The following SMURF1 variants were observed in gnomAD, a reference collection of about 807,000 sequenced individuals.
SMURF1 encodes the protein E3 ubiquitin-protein ligase SMURF1.
A neutral mutation model predicts 98.0 loss-of-function variants in SMURF1; 44 were observed. The ratio of observed to expected loss-of-function variants is 0.45; its 90% confidence interval spans 0.35 to 0.58. The LOEUF is 0.58. Ranked by LOEUF, SMURF1 falls within the 20% of genes least tolerant of loss-of-function variation. The pLI, the probability that SMURF1 is intolerant of heterozygous loss-of-function variation, is 0.00. For synonymous variants in SMURF1, 396 were observed against 374.9 expected (o/e 1.06, Z -0.65); for missense variants, 687 against 938.4 (o/e 0.73, Z 3.50).
At chr7:99,114,215 G>A (rs538857179) in intron 1 of SMURF1, among the ~76,000 whole-genome samples, 5 of 152,138 alleles carry the variant, frequency 3.3e-5, no homozygotes, top group African/African-American at 4.8e-5. Context: ...ATTTAAATTT[G>A]TACTAAAGGG....
chr7:99,038,936 G>A (rs573285455), intron 13 of SMURF1, among the ~76,000 whole-genome samples: 144 of 152,184 alleles, frequency 9.5e-4, no homozygotes, highest in African/African-American at 3.3e-3. Flanking sequence ...GCTTACACCT[G>A]TAATCCCAGC....
chr7:99,101,933 C>CAA (rs1286445271), intron 1 of SMURF1, among the ~76,000 whole-genome samples: 4,600 of 116,546 alleles, frequency 0.039, 94 homozygotes, highest in Non-Finnish European at 0.061. Flanking sequence ...GACCACGTCT[C>CAA]AAAAAAAAAA....
intron 1 of SMURF1, among the ~76,000 whole-genome samples, chr7:99,066,998 CTTT>C (rs376242285): frequency 1.1e-4 from 13 of 121,660 alleles, no homozygotes; most frequent in Admixed American, 2.5e-4. Flanking sequence ...ATTTTTTTTT[CTTT>C]TTTTTTTTTT....
chr7:99,047,045 T>C (rs1795606900), intron 10 of SMURF1, among the ~76,000 whole-genome samples: 1 of 152,192 alleles, frequency 6.6e-6, no homozygotes, highest in Admixed American at 6.5e-5. Flanking sequence ...GGGCAGGAAA[T>C]GGCCCAAATG....
chr7:99,068,287 C>T (rs966884532), intron 1 of SMURF1, among the ~76,000 whole-genome samples: 10 of 152,158 alleles, frequency 6.6e-5, no homozygotes, highest in Admixed American at 3.9e-4. Context: ...TTAGCCACTA[C>T]ATCAATCTTT....
intron 1 of SMURF1, among the ~76,000 whole-genome samples, chr7:99,121,527 C>CT (rs1797622073): frequency 6.6e-6 from 1 of 152,154 alleles, no homozygotes; most frequent in South Asian, 2.1e-4. Context: ...TTTCTCTGTT[C>CT]TTTAACACTC....
In SMURF1 at chr7:99,080,184, A is replaced by G. The variant is rs934124781; in HGVS notation, c.56-18347T>C. 1.3e-5 allele frequency among the ~76,000 whole-genome samples: 2 copies of G among 152,232 alleles called. 1 individual carries two copies. On this transcript the variant is annotated intron_variant, in intron 1 of 17. Transcript: ENST00000361368. ...TGAAACATTTTCTAAGAACGTATAA[A>G]TTGCCCAAATTTGGCCAAAGAGTAG...
intron 8 of SMURF1, 139 bp from the exon 9 acceptor site, chr7:99,049,848 T>C (rs950920067): frequency 1.3e-6 from 1 of 752,636 alleles, no homozygotes; most frequent in African/African-American, 1.8e-5. Context: ...TTCGTGGTGC[T>C]ACTTACGCCA....
intron 1 of SMURF1, among the ~76,000 whole-genome samples, chr7:99,116,619 A>T (rs1797461949): frequency 6.6e-6 from 1 of 152,232 alleles, no homozygotes; most frequent in Admixed American, 6.5e-5. Flanking sequence ...CTACATTAGC[A>T]TCAAAGAGAA....
chr7:99,138,508 A>G (rs1798045512), intron 1 of SMURF1, among the ~76,000 whole-genome samples: 1 of 152,230 alleles, frequency 6.6e-6, no homozygotes, highest in Admixed American at 6.5e-5. Flanking sequence ...ATTGTGACTG[A>G]ACCGAGAAAA....
chr7:99,058,492 G>C (rs907637655), intron 3 of SMURF1, among the ~76,000 whole-genome samples: 4 of 152,092 alleles, frequency 2.6e-5, no homozygotes, highest in African/African-American at 9.7e-5. Flanking sequence ...TCACCAATTA[G>C]GTTTGATACA....
intron 16 of SMURF1, among the ~76,000 whole-genome samples, chr7:99,034,106 GGCTCCTCCCCCTCA>G (rs1795026627): frequency 6.6e-6 from 1 of 152,194 alleles, no homozygotes; most frequent in African/African-American, 2.4e-5. Flanking sequence ...ACAGGAAGCT[GGCTCCTCCCCCTCA>G]CAGGCCACAC....
At chr7:99,043,011 AGT>A (rs1795445486) in intron 11 of SMURF1, among the ~76,000 whole-genome samples, 1 of 152,238 alleles carries the variant, frequency 6.6e-6, no homozygotes, top group African/African-American at 2.4e-5. Context: ...AATCCTATAA[AGT>A]CTCTTTTTAC....
At chr7:99,120,772 G>A (rs1797594569) in intron 1 of SMURF1, 2 of 151,606 alleles carry the variant, frequency 1.3e-5, no homozygotes, top group South Asian at 4.2e-4. Flanking sequence ...TCTCAGCTAG[G>A]GAACCCACAT....
At chr7:99,130,332 A>C (rs1459361414) in intron 1 of SMURF1, among the ~76,000 whole-genome samples, 1 of 152,230 alleles carries the variant, frequency 6.6e-6, no homozygotes, top group African/African-American at 2.4e-5. Flanking sequence ...ACATGCCTGT[A>C]GTTCCAGCTA....
At chr7:99,107,154 T>C (rs1329855646) in intron 1 of SMURF1, among the ~76,000 whole-genome samples, 2 of 152,118 alleles carry the variant, frequency 1.3e-5, no homozygotes, top group Admixed American at 6.5e-5. Flanking sequence ...GGGTGTGAAA[T>C]TGAAATCTAC....
At chr7:99,117,852 G>A (rs1234885856) in intron 1 of SMURF1, among the ~76,000 whole-genome samples, 2 of 151,730 alleles carry the variant, frequency 1.3e-5, no homozygotes, top group African/African-American at 4.8e-5. Flanking sequence ...GGCCAAGGCA[G>A]GCGGACCACC....
At chr7:99,065,829 C>T (rs1006421522) in intron 1 of SMURF1, among the ~76,000 whole-genome samples, 4 of 152,098 alleles carry the variant, frequency 2.6e-5, no homozygotes, top group Non-Finnish European at 5.9e-5. Flanking sequence ...GGGAGGATCA[C>T]GAGGTCAAGA....
chr7:99,102,709 A>G (rs1244899606), intron 1 of SMURF1, among the ~76,000 whole-genome samples: 3 of 152,246 alleles, frequency 2.0e-5, no homozygotes, highest in African/African-American at 7.2e-5. Flanking sequence ...GGCTCTTTCA[A>G]TGTTATAAGT....
Sources: allele counts gnomAD v4.1 joint callset (sites outside exome capture counted in the v4.1 genomes callset), GRCh38; gene constraint gnomAD v4.1.1; transcripts MANE v1.5; gene names NCBI Gene and HGNC (gene_info 2026-07-23, HGNC 2026-07-21).